The following MAPT variants were observed in gnomAD, a reference collection of about 807,000 sequenced individuals.
MAPT encodes the protein microtubule-associated protein tau.
A neutral mutation model predicts 67.9 loss-of-function variants in MAPT; 34 were observed. The ratio of observed to expected loss-of-function variants is 0.50; its 90% CI spans 0.38 to 0.67. The LOEUF is 0.67. Ranked by LOEUF, MAPT falls within the 30% of genes least tolerant of loss-of-function variation. The pLI, the probability that MAPT is intolerant of heterozygous loss-of-function variation, is 0.00. For synonymous variants in MAPT, 456 were observed against 464.5 expected, an observed-to-expected ratio of 0.98 and a Z score of 0.23; for missense variants, 881 against 1,115.2, an observed-to-expected ratio of 0.79 and a Z score of 2.99.
intron 1 of MAPT, among the ~76,000 whole-genome samples, chr17:45,929,736 T>C (rs2066675363): frequency 6.6e-6 from 1 of 152,258 alleles, no homozygotes; most frequent in Non-Finnish European, 1.5e-5. Context: ...TTCCTTGTTA[T>C]TCTCTTTCAT....
chr17:45,917,884 A>G (rs894426536), intron 1 of MAPT, among the ~76,000 whole-genome samples: 1 of 151,326 alleles, frequency 6.6e-6, no homozygotes, highest in Non-Finnish European at 1.5e-5. Flanking sequence ...AGCGATTCTC[A>G]TGTCTCGGCC....
chr17:45,937,705 T>TG (rs2067473775), intron 1 of MAPT, among the ~76,000 whole-genome samples: 1 of 151,482 alleles, frequency 6.6e-6, no homozygotes, highest in Non-Finnish European at 1.5e-5. Flanking sequence ...GCCGTCATTC[T>TG]GGGGCCCTCA....
chr17:45,900,846 C>T (rs915963827), intron 1 of MAPT, among the ~76,000 whole-genome samples: 1 of 152,146 alleles, frequency 6.6e-6, no homozygotes, highest in African/African-American at 2.4e-5. Flanking sequence ...ATGATGGTAC[C>T]TGTCTCACGG....
intron 12 of MAPT, among the ~76,000 whole-genome samples, chr17:46,021,137 T>G (rs1286303934): frequency 6.6e-6 from 1 of 152,230 alleles, no homozygotes; most frequent in African/African-American, 2.4e-5. Context: ...TGATACAGCC[T>G]TGCTGCAGAT....
chr17:45,918,304 A>G (rs2065382604), intron 1 of MAPT, among the ~76,000 whole-genome samples: 1 of 152,252 alleles, frequency 6.6e-6, no homozygotes, highest in South Asian at 2.1e-4. Context: ...TGGATATGAG[A>G]TGCATTTACC....
intron 1 of MAPT, among the ~76,000 whole-genome samples, chr17:45,904,107 TATATATATTATATA>T (rs2064005482): frequency 4.0e-5 from 1 of 25,042 alleles, no homozygotes; most frequent in Admixed American, 7.7e-4. Context: ...TATATATATT[TATATATATTATATA>T]TTATATATTA....
At chr17:45,902,416 G>T (rs1017066878) in intron 1 of MAPT, among the ~76,000 whole-genome samples, 8 of 152,190 alleles carry the variant, frequency 5.3e-5, no homozygotes, top group Non-Finnish European at 8.8e-5. Flanking sequence ...CAAGTCTGGT[G>T]TACATACAAG....
intron 9 of MAPT, among the ~76,000 whole-genome samples, chr17:46,008,574 C>T (rs1275158117): frequency 2.0e-5 from 3 of 151,892 alleles, no homozygotes; most frequent in African/African-American, 7.3e-5. Context: ...TTTTTAAAAT[C>T]GTTATATTTT....
At chr17:45,907,338 A>C (rs1450612403) in intron 1 of MAPT, among the ~76,000 whole-genome samples, 1 of 152,130 alleles carries the variant, frequency 6.6e-6, no homozygotes, top group Non-Finnish European at 1.5e-5. Context: ...TTGGCACTCA[A>C]GGTCCAGAGG....
intron 2 of MAPT, among the ~76,000 whole-genome samples, chr17:45,964,397 A>G (rs1380636434): frequency 7.9e-6 from 1 of 126,506 alleles, no homozygotes; most frequent in East Asian, 2.3e-4. Flanking sequence ...TCCTTCTTAG[A>G]GGCCGGGCGC....
At chr17:45,914,762 C>G (rs1262577440) in intron 1 of MAPT, among the ~76,000 whole-genome samples, 1 of 151,330 alleles carries the variant, frequency 6.6e-6, no homozygotes, top group East Asian at 1.9e-4. Context: ...TCTCTGTTGC[C>G]CAGGCAGGAG....
At chr17:45,998,464 C>G (rs1045624872) in intron 9 of MAPT, among the ~76,000 whole-genome samples, 9 of 152,326 alleles carry the variant, frequency 5.9e-5, no homozygotes, top group Non-Finnish European at 7.4e-5. Flanking sequence ...AAAGGACAGA[C>G]AGTGGCTCCC....
intron 4 of MAPT, among the ~76,000 whole-genome samples, chr17:45,981,333 TAGG>T (rs66635171): frequency 0.14 from 22,007 of 152,184 alleles, 2,122 homozygotes; most frequent in Non-Finnish European, 0.22. Flanking sequence ...GGGTATTTAT[TAGG>T]AGAACCAAGG....
intron 3 of MAPT, chr17:45,974,045 T>C (rs1238088234): frequency 1.1e-5 from 4 of 365,478 alleles, no homozygotes; most frequent in Non-Finnish European, 2.1e-5. Context: ...AAGGATCATA[T>C]AGTTGTAAGC....
intron 7 of MAPT, 81 bp from the exon 8 acceptor site, chr17:45,991,379 C>T (rs1311430385): frequency 5.1e-6 from 8 of 1,572,986 alleles, no homozygotes; most frequent in African/African-American, 2.7e-5. Flanking sequence ...GTCAAGGTGG[C>T]GGAGTGGGGC....
At chr17:45,993,656 C>T (rs138195663) in intron 8 of MAPT, among the ~76,000 whole-genome samples, 82 of 152,336 alleles carry the variant, frequency 5.4e-4, no homozygotes, top group African/African-American at 1.9e-3. Context: ...TCAAGTGATC[C>T]GCCCACCTCG....
Position 45,983,171 on chromosome 17 carries a change from C to T in MAPT, c.592C>T (p.His198Tyr). 1 of 1,606,974 alleles carries T rather than the reference C, an allele frequency of 6.2e-7. No homozygotes were observed. Among genetic ancestry groups the T allele is most frequent in the South Asian group, 1.1e-5 (1 of 89,612 alleles). ...GAAGCCCGCCACCACTGCGTATCTC[C>T]ACACAGAGCCTGAAAGTGGTAAGGT... Reference protein sequence around the residue: ...FPKPATTAYLHTEPESGKVVQ... With the variant: ...FPKPATTAYLYTEPESGKVVQ... Residue 198 changes from histidine (H) to tyrosine (Y), a missense_variant, in exon 5 of 13, where the codon CAC becomes TAC. Physicochemically the swap from His to Tyr is moderately conservative, Grantham distance 83 (BLOSUM62 2). This residue lies in a region of MAPT where 687 missense variants were observed against 766.1 expected (regional missense o/e 0.90). Coordinates refer to ENST00000262410, the MANE Select transcript of MAPT (RefSeq NM_001377265.1).
At chr17:45,901,884 A>G (rs948384699) in intron 1 of MAPT, among the ~76,000 whole-genome samples, 4 of 148,522 alleles carry the variant, frequency 2.7e-5, no homozygotes, top group African/African-American at 9.9e-5. Context: ...TTGTGGAGTC[A>G]TCTGAATGCA....
chr17:45,934,461 G>A (rs1281292713), intron 1 of MAPT, among the ~76,000 whole-genome samples: 1 of 152,064 alleles, frequency 6.6e-6, no homozygotes, highest in East Asian at 1.9e-4. Context: ...TGTTTATCAT[G>A]TGGGTTTTAA....
Sources: allele counts gnomAD v4.1 joint callset (sites outside exome capture counted in the v4.1 genomes callset), GRCh38; gene constraint gnomAD v4.1.1; regional missense constraint gnomAD v4.1.1; transcripts MANE v1.5; gene names NCBI Gene and HGNC (gene_info 2026-07-23, HGNC 2026-07-21).